Variants in CHD4 observed in about 807,000 individuals in gnomAD.
CHD4 encodes the protein ATP-dependent chromatin remodeler CHD4.
CHD4 carries 35 observed loss-of-function variants against 235.5 expected under a neutral mutation model. That is an observed-to-expected ratio of 0.15 (90% CI 0.11 to 0.20). The LOEUF (loss-of-function observed/expected upper bound fraction) is 0.20, where lower values mean the gene tolerates loss of function less well. CHD4 is among the 10% of genes least tolerant of loss of function. CHD4 has a pLI of 1.00. For missense variants in CHD4, 1,329 were observed against 2,432.3 expected (o/e 0.55, Z 9.54); for synonymous variants, 900 against 850.2 (o/e 1.06, Z -1.02).
chr12:6,602,329 C>T, intron 3 of CHD4, 47 bp downstream of exon 3: 1 of 1,610,502 alleles, frequency 6.2e-7, no homozygotes, highest in Non-Finnish European at 8.5e-7. Context: ...TCTCAGAGCT[C>T]CTCCCTTCTT....
intron 25 of CHD4, among the ~76,000 whole-genome samples, chr12:6,586,433 T>C (rs939626201): frequency 4.6e-5 from 7 of 150,778 alleles, no homozygotes; most frequent in Admixed American, 1.3e-4. Context: ...CATACATACA[T>C]ACACAAGGAG....
In CHD4 at chr12:6,581,390, T is replaced by G. The variant is rs1199108668; in HGVS notation, c.4682-2A>C. ...TTTCCTCTATTTTTATCCCATCTTCTGCAGAACAATAAAAGACAATCAATT... is the reference window on the plus strand; with the variant it reads ...TTTCCTCTATTTTTATCCCATCTTCGGCAGAACAATAAAAGACAATCAATT... On this transcript the variant is annotated splice_acceptor_variant, in intron 31 of 39. Coordinates refer to ENST00000544040, the MANE Select transcript of CHD4 (RefSeq NM_001273.5). LOFTEE classifies it high-confidence loss of function. 1 of 1,612,620 alleles carries G rather than the reference T, an allele frequency of 6.2e-7. No individual in the cohort carries two copies. Among genetic ancestry groups the G allele is most frequent in the Non-Finnish European group, 8.5e-7 (1 of 1,178,768 alleles).
intron 17 of CHD4, 112 bp downstream of exon 17, chr12:6,592,979 G>A: frequency 6.5e-7 from 1 of 1,528,104 alleles, no homozygotes; most frequent in Admixed American, 1.8e-5. Context: ...AGGAAGGAAG[G>A]CAGAGACAAT....
At chr12:6,592,909 T>C (rs1948425318) in intron 17 of CHD4, 92 bp from the exon 18 acceptor site, 38 of 1,534,518 alleles carry the variant, frequency 2.5e-5, no homozygotes, top group Non-Finnish European at 3.3e-5. Context: ...GCCCAATAGT[T>C]AAGCATCCCA....
chr12:6,601,586 A>G (rs1436714551), intron 5 of CHD4, 56 bp from the exon 6 acceptor site: 1 of 1,612,808 alleles, frequency 6.2e-7, no homozygotes, highest in African/African-American at 1.3e-5. Flanking sequence ...AAAAAGAAAG[A>G]GAAGTAAGAA....
rs1948426009 is a variant in CHD4 at position 6,592,931 on chromosome 12, CTT to C, written c.2653-116_2653-115del. ...AGTTAAGCATCCCACTCCTCACATT[CTT>C]TTTAAAGGCCTGGCCACCAAGGGCT... On this transcript the variant is annotated intron_variant, in intron 17 of 39. Transcript: ENST00000544040. The C allele has an allele frequency of 2.0e-6, 3 of 1,513,374 alleles. No homozygotes were observed. The East Asian group carries it at 6.8e-5, about 34-fold the overall frequency. 93.7% of individuals were successfully genotyped at this position (1,513,374 alleles called of 1,614,324 possible). A position where few individuals can be genotyped will look rare whatever the true frequency, so the allele number is the denominator to read the frequency against.
In CHD4 at chr12:6,600,686, G is replaced by C; in HGVS notation, c.928-17C>G. 1 of 1,613,752 alleles carries C rather than the reference G, an allele frequency of 6.2e-7. No individual in the cohort carries two copies. The highest frequency in any genetic ancestry group is 1.1e-5 in the South Asian group (1 of 91,040). On this transcript the variant is annotated splice_polypyrimidine_tract_variant and intron_variant, in intron 7 of 39. Coordinates refer to ENST00000544040, the MANE Select transcript of CHD4 (RefSeq NM_001273.5). ...ATCCTCACTCTGGCAGGATGAAAAA[G>C]AATAAGGTTAGACGTTCAAGCCAAG...
chr12:6,598,875 C>CAGGT (rs1360665036), intron 10 of CHD4, among the ~76,000 whole-genome samples: 3 of 152,224 alleles, frequency 2.0e-5, no homozygotes, highest in Non-Finnish European at 4.4e-5. Context: ...GGAGAAAATA[C>CAGGT]AGGTTGAGGA....
intron 2 of CHD4, 62 bp downstream of exon 2, chr12:6,606,212 G>C (rs575061804): frequency 3.6e-6 from 4 of 1,115,088 alleles, no homozygotes; most frequent in South Asian, 1.4e-5. Flanking sequence ...CTCACCAGAG[G>C]AGTCACTCGG....
At chr12:6,582,563 T>C (rs1948213384) in intron 29 of CHD4, 52 bp downstream of exon 29, 8 of 1,558,028 alleles carry the variant, frequency 5.1e-6, no homozygotes, top group South Asian at 1.2e-5. Flanking sequence ...AATGACCAGA[T>C]AGATAGCAGA....
In CHD4 at chr12:6,601,232, C is replaced by T. The variant is rs1948584732; in HGVS notation, c.799+57G>A. Reference sequence around the variant, plus strand: ...TGACAGACCAGCATTCCCATGCTGTCTTTGACATCTTAAGCCCACACTAGA... The same window carrying T: ...TGACAGACCAGCATTCCCATGCTGTTTTTGACATCTTAAGCCCACACTAGA... On this transcript the variant is annotated intron_variant, in intron 6 of 39. Transcript: ENST00000544040. 9 of 1,593,628 alleles carry T rather than the reference C, an allele frequency of 5.6e-6. No individual in the cohort carries two copies. In the South Asian group the frequency reaches 1.0e-4, roughly 18 times the overall value.
At chr12:6,575,697 T>G (rs1282369888) in intron 37 of CHD4, among the ~76,000 whole-genome samples, 1 of 152,088 alleles carries the variant, frequency 6.6e-6, no homozygotes, top group African/African-American at 2.4e-5. Flanking sequence ...AAAACTCTGC[T>G]CACAAACTTT....
intron 37 of CHD4, among the ~76,000 whole-genome samples, chr12:6,573,766 G>A (rs925322678): frequency 1.3e-5 from 2 of 152,090 alleles, no homozygotes; most frequent in African/African-American, 2.4e-5. Flanking sequence ...GCTCACACCT[G>A]TAATCCCAGC....
At chr12:6,586,563 A>T (rs1948298418) in intron 25 of CHD4, among the ~76,000 whole-genome samples, 2 of 152,198 alleles carry the variant, frequency 1.3e-5, no homozygotes, top group African/African-American at 4.8e-5. Context: ...CTCTAAAAAC[A>T]TTTAAAAAAT....
intron 14 of CHD4, 150 bp from the exon 15 acceptor site, chr12:6,594,800 C>A (rs1243191371): frequency 1.5e-6 from 1 of 662,680 alleles, no homozygotes; most frequent in Admixed American, 3.1e-5. Flanking sequence ...ATGATTACTG[C>A]AATTTCATGT....
At chr12:6,605,281 T>C (rs1325963491) in intron 2 of CHD4, among the ~76,000 whole-genome samples, 5 of 151,336 alleles carry the variant, frequency 3.3e-5, no homozygotes, top group Non-Finnish European at 4.4e-5. Flanking sequence ...AGAAATGACA[T>C]GTAGAAAAAA....
At chr12:6,588,502 G>A in intron 22 of CHD4, 80 bp from the exon 23 acceptor site, 1 of 1,517,272 alleles carries the variant, frequency 6.6e-7, no homozygotes, top group Non-Finnish European at 9.0e-7. Context: ...ATTAAGCCGG[G>A]GGCAGTGGCT....
At chr12:6,592,941 G>A (rs1437758970) in intron 17 of CHD4, 124 bp from the exon 18 acceptor site, 8 of 1,505,236 alleles carry the variant, frequency 5.3e-6, no homozygotes, top group African/African-American at 2.8e-5. Context: ...CTTTTTAAAG[G>A]CCTGGCCACC....
chr12:6,574,249 T>C (rs897758636), intron 37 of CHD4, among the ~76,000 whole-genome samples: 11 of 152,162 alleles, frequency 7.2e-5, no homozygotes, highest in African/African-American at 2.7e-4. Context: ...ACATACCTTT[T>C]AAAAGGTACT....
Sources: gnomAD v4.1 joint callset for allele counts (sites outside exome capture counted in the v4.1 genomes callset) on GRCh38, gnomAD v4.1.1 for gene constraint, MANE v1.5 for transcripts, NCBI Gene and HGNC (gene_info 2026-07-23, HGNC 2026-07-21) for gene names.